Variants in BLTP3A observed in about 807,000 individuals in gnomAD.
BLTP3A encodes bridge-like lipid transfer protein family member 3A.
At chr6:34,820,360 C>G in the BLTP3A span, among the ~76,000 whole-genome samples, 1 of 152,078 alleles carries the variant, frequency 6.6e-6, no homozygotes, top group African/African-American at 2.4e-5. Context: ...CTAGACTGCT[C>G]CAGCTCCTTG....
At chr6:34,796,661 C>T in the BLTP3A span, among the ~76,000 whole-genome samples, 1 of 152,180 alleles carries the variant, frequency 6.6e-6, no homozygotes, top group East Asian at 1.9e-4. Context: ...TAAAGAAAGG[C>T]AAGCATCTAT....
the BLTP3A span, among the ~76,000 whole-genome samples, chr6:34,818,164 GTAGGAT>G: frequency 6.6e-6 from 1 of 152,102 alleles, no homozygotes; most frequent in Non-Finnish European, 1.5e-5. Context: ...GGCCAGATGT[GTAGGAT>G]TAAGAGAGAC....
the BLTP3A span, chr6:34,871,149 G>A: frequency 6.3e-7 from 1 of 1,589,576 alleles, no homozygotes; most frequent in East Asian, 2.2e-5. Context: ...GCCAATGTAA[G>A]GGCACATTGG....
At chr6:34,863,852 G>A in the BLTP3A span, 1 of 696,196 alleles carries the variant, frequency 1.4e-6, no homozygotes, top group South Asian at 2.6e-5. Flanking sequence ...TCTCTTTACA[G>A]CCAGTAATAG....
At chr6:34,846,873 C>T in the BLTP3A span, among the ~76,000 whole-genome samples, 1 of 152,060 alleles carries the variant, frequency 6.6e-6, no homozygotes, top group Non-Finnish European at 1.5e-5. Flanking sequence ...TCAGTTTTCC[C>T]GCATTGAGTA....
chr6:34,832,460 G>A, the BLTP3A span, among the ~76,000 whole-genome samples: 53 of 151,148 alleles, frequency 3.5e-4, no homozygotes, highest in African/African-American at 1.3e-3. Flanking sequence ...TTCTGAGACA[G>A]GGTCTGACTC....
chr6:34,809,472 A>C, the BLTP3A span, among the ~76,000 whole-genome samples: 1 of 152,344 alleles, frequency 6.6e-6, no homozygotes, highest in African/African-American at 2.4e-5. Context: ...ACCCTTGAAC[A>C]GTAGTGGAAT....
the BLTP3A span, among the ~76,000 whole-genome samples, chr6:34,843,954 C>T: frequency 6.6e-6 from 1 of 151,990 alleles, no homozygotes; most frequent in Non-Finnish European, 1.5e-5. Flanking sequence ...GGTAAGATGA[C>T]ATCTCATTGT....
chr6:34,824,734 G>A, the BLTP3A span, among the ~76,000 whole-genome samples: 1 of 151,624 alleles, frequency 6.6e-6, no homozygotes, highest in Admixed American at 6.6e-5. Flanking sequence ...GCAGTGGCAC[G>A]ATCTTGGCTC....
the BLTP3A span, among the ~76,000 whole-genome samples, chr6:34,828,128 T>C: frequency 6.6e-6 from 1 of 152,106 alleles, no homozygotes; most frequent in Non-Finnish European, 1.5e-5. Flanking sequence ...TAAATACTTC[T>C]TCTACATTGT....
the BLTP3A span, chr6:34,855,696 T>C: frequency 2.4e-5 from 39 of 1,613,566 alleles, no homozygotes; most frequent in Non-Finnish European, 3.2e-5. Flanking sequence ...ACCCTTTCCA[T>C]TGGGCAGGTT....
chr6:34,861,878 C>T, the BLTP3A span, among the ~76,000 whole-genome samples: 1 of 152,268 alleles, frequency 6.6e-6, no homozygotes, highest in South Asian at 2.1e-4. Flanking sequence ...AGCCACTTCC[C>T]CTGGCTGAAT....
At chr6:34,872,505 GA>G in the BLTP3A span, 2 of 1,541,624 alleles carry the variant, frequency 1.3e-6, no homozygotes, top group Non-Finnish European at 1.7e-6. Flanking sequence ...ACCTAGGACA[GA>G]GGGCACTGTC....
At chr6:34,833,625 A>G in the BLTP3A span, among the ~76,000 whole-genome samples, 1 of 152,020 alleles carries the variant, frequency 6.6e-6, no homozygotes, top group South Asian at 2.1e-4. Flanking sequence ...TTAAAAAAAA[A>G]TTTCTCATTA....
the BLTP3A span, among the ~76,000 whole-genome samples, chr6:34,840,202 A>G: frequency 0.068 from 10,280 of 152,228 alleles, 554 homozygotes; most frequent in East Asian, 0.33. Flanking sequence ...AACCACCTCA[A>G]TAATTATTTT....
chr6:34,841,824 G>T, the BLTP3A span, among the ~76,000 whole-genome samples: 1 of 152,140 alleles, frequency 6.6e-6, no homozygotes, highest in Non-Finnish European at 1.5e-5. Flanking sequence ...AATCAAACTG[G>T]AGCTCACATT....
At chr6:34,808,346 C>CAAAAAAAAA in the BLTP3A span, among the ~76,000 whole-genome samples, 439 of 26,640 alleles carry the variant, frequency 0.016, 35 homozygotes, top group East Asian at 0.085. Flanking sequence ...AACTCCGTCT[C>CAAAAAAAAA]AAAAAAAAAA....
chr6:34,805,460 G>A, the BLTP3A span, among the ~76,000 whole-genome samples: 1 of 151,900 alleles, frequency 6.6e-6, no homozygotes, highest in Non-Finnish European at 1.5e-5. Context: ...AGGCATGGTG[G>A]TTCATGCCTG....
At chr6:34,855,499 C>A in the BLTP3A span, 2 of 1,175,640 alleles carry the variant, frequency 1.7e-6, no homozygotes, top group Non-Finnish European at 2.4e-6. Context: ...CTTTTGGCTG[C>A]ACCGTGTTAT....
Sources: gnomAD v4.1 joint callset for allele counts (sites outside exome capture counted in the v4.1 genomes callset) on GRCh38, gnomAD v4.1.1 for gene constraint, MANE v1.5 for transcripts, NCBI Gene and HGNC (gene_info 2026-07-23, HGNC 2026-07-21) for gene names.